The following SETD5 variants were observed in gnomAD, a reference collection of about 807,000 sequenced individuals.
The protein encoded by SETD5 is SET domain containing 5.
A neutral mutation model predicts 153.3 loss-of-function variants in SETD5; 44 were observed. The observed-to-expected ratio is 0.29, with a 90% CI of 0.23 to 0.37. The LOEUF (loss-of-function observed/expected upper bound fraction) is 0.37. Ranked by LOEUF, SETD5 falls within the 10% of genes least tolerant of loss-of-function variation. SETD5 has a pLI of 1.00. For missense variants in SETD5, 1,544 were observed against 1,768.0 expected (o/e 0.87, Z 2.27); for synonymous variants, 716 against 645.2 (o/e 1.11, Z -1.66).
chr3:9,436,731 A>G (rs1241150811), intron 7 of SETD5: 2 of 806,150 alleles, frequency 2.5e-6, no homozygotes, highest in Non-Finnish European at 3.9e-6. Flanking sequence ...TTTTTTACCT[A>G]GAGAAAGGGG....
chr3:9,412,405 T>TTTTTTG (rs1559357240), intron 1 of SETD5, among the ~76,000 whole-genome samples: 6 of 142,482 alleles, frequency 4.2e-5, no homozygotes, highest in Admixed American at 2.2e-4. Flanking sequence ...TTTTTTTTTT[T>TTTTTTG]TTTTTTTTTT....
intron 17 of SETD5, among the ~76,000 whole-genome samples, chr3:9,462,501 G>A (rs1464488949): frequency 6.6e-6 from 1 of 151,502 alleles, no homozygotes; most frequent in East Asian, 1.9e-4. Context: ...GCAGGAGAAT[G>A]GTGTGAACCT....
At chr3:9,400,476 C>T (rs999433542) in intron 1 of SETD5, among the ~76,000 whole-genome samples, 3 of 152,138 alleles carry the variant, frequency 2.0e-5, no homozygotes, top group Admixed American at 1.3e-4. Flanking sequence ...TGTTATGTGT[C>T]TCCATCCTTT....
At chr3:9,428,538 T>C (rs1361503301) in intron 2 of SETD5, among the ~76,000 whole-genome samples, 3 of 152,230 alleles carry the variant, frequency 2.0e-5, no homozygotes, top group Non-Finnish European at 4.4e-5. Context: ...TGGGCAGTTT[T>C]AGAATGGGGA....
chr3:9,466,017 A>G (rs936672350), intron 18 of SETD5, among the ~76,000 whole-genome samples: 9 of 152,174 alleles, frequency 5.9e-5, no homozygotes, highest in Non-Finnish European at 1.3e-4. Context: ...GGCCGGGCGC[A>G]GTGGCTCACA....
chr3:9,456,342 C>A (rs900200062), intron 17 of SETD5, among the ~76,000 whole-genome samples: 11 of 151,894 alleles, frequency 7.2e-5, no homozygotes, highest in Non-Finnish European at 1.5e-5. Flanking sequence ...TGGGCCTGGT[C>A]ACGTACCTGT....
intron 18 of SETD5, among the ~76,000 whole-genome samples, chr3:9,465,724 G>A (rs184595388): frequency 2.6e-5 from 4 of 152,220 alleles, no homozygotes; most frequent in Admixed American, 6.5e-5. Flanking sequence ...CTCTTTCTGG[G>A]TGAGGGAAAA....
At chr3:9,473,926 A>T (rs1252434580) in intron 20 of SETD5, among the ~76,000 whole-genome samples, 1 of 152,236 alleles carries the variant, frequency 6.6e-6, no homozygotes, top group Non-Finnish European at 1.5e-5. Flanking sequence ...GCATATACAG[A>T]GCAAAAAGAC....
intron 17 of SETD5, chr3:9,454,111 A>C: frequency 4.3e-6 from 1 of 234,752 alleles, no homozygotes; most frequent in South Asian, 1.6e-4. Context: ...GGTTAGATAC[A>C]TTTAAAGTAG....
intron 1 of SETD5, among the ~76,000 whole-genome samples, chr3:9,422,501 A>G (rs2038559416): frequency 6.6e-6 from 1 of 152,366 alleles, no homozygotes; most frequent in Admixed American, 6.5e-5. Flanking sequence ...AGGTTTTCTT[A>G]TGAGAATGAG....
intron 17 of SETD5, 58 bp from the exon 18 acceptor site, chr3:9,464,367 G>C (rs2290163): frequency 3.8e-6 from 6 of 1,567,758 alleles, no homozygotes; most frequent in Non-Finnish European, 5.2e-6. Context: ...TGGCTTTACT[G>C]TAGAGCCTTA....
intron 18 of SETD5, among the ~76,000 whole-genome samples, chr3:9,467,418 C>G (rs2044739578): frequency 6.6e-6 from 1 of 151,842 alleles, no homozygotes; most frequent in Admixed American, 6.6e-5. Context: ...CTTAGTTAGC[C>G]TCTCCTTTCT....
chr3:9,442,066 G>A, intron 9 of SETD5, 62 bp from the exon 10 acceptor site: 2 of 1,080,768 alleles, frequency 1.9e-6, no homozygotes, highest in Admixed American at 2.0e-5. Flanking sequence ...TTCATATTTG[G>A]AGTCATGGGG....
chr3:9,473,155 CT>C, intron 19 of SETD5, 80 bp from the exon 20 acceptor site: 4 of 1,474,814 alleles, frequency 2.7e-6, no homozygotes, highest in Non-Finnish European at 3.6e-6. Context: ...ACCATCTTTC[CT>C]TCTTTCCCTG....
intron 19 of SETD5, among the ~76,000 whole-genome samples, chr3:9,472,831 G>A (rs943571810): frequency 6.6e-6 from 1 of 151,966 alleles, no homozygotes; most frequent in Non-Finnish European, 1.5e-5. Context: ...CACCTGGGAG[G>A]CTTTTTAAAC....
intron 3 of SETD5, 104 bp from the exon 4 acceptor site, chr3:9,433,741 C>A: frequency 8.6e-7 from 1 of 1,162,714 alleles, no homozygotes; most frequent in Non-Finnish European, 1.3e-6. Context: ...ATCCTAGTGG[C>A]TAGTGGTTGT....
chr3:9,473,488 G>C lies in SETD5; in HGVS notation c.3448G>C (p.Gly1150Arg). ...LEAVSPSDSR[G>R]TSSSHCRPQE... Reference sequence around the variant, plus strand: ...GGCGGTAAGCCCATCAGATTCCAGAGGCACTTCTTCATCTCACTGCAGACC... The same window carrying C: ...GGCGGTAAGCCCATCAGATTCCAGACGCACTTCTTCATCTCACTGCAGACC... The change falls in exon 20 of 23, where the codon GGC (glycine) becomes CGC (arginine). Residue 1150 changes from glycine (G) to arginine (R), a missense_variant. This residue lies in a region of SETD5 where 93 missense variants were observed against 93.4 expected (regional missense o/e 1.00). Coordinates refer to ENST00000402198, the MANE Select transcript of SETD5 (RefSeq NM_001080517.3). The C allele has an allele frequency of 6.2e-7, 1 of 1,613,766 alleles. No individual in the cohort carries two copies. Among genetic ancestry groups the C allele is most frequent in the African/African-American group, 1.3e-5 (1 of 75,012 alleles).
rs749804376 is a variant in SETD5, at chr3:9,470,470, A to G, written c.2736A>G (p.Arg912=). The part of the protein sequence containing the change: ...NTPLQFELCH[R]KDLDLAKVGY... ...TTTTATTCTTTCAGCTTTGTCACCG[A>G]AAAGACCTGGATTTGGCAAAAGTAG... Residue 912 remains arginine (R), a synonymous_variant, in exon 19 of 23, where the codon CGA becomes CGG. Transcript: ENST00000402198. The G allele has an allele frequency of 2.5e-6, 4 of 1,608,462 alleles. No individual in the cohort carries two copies. The African/African-American group carries it at 5.4e-5, about 22-fold the overall frequency.
chr3:9,428,837 A>G lies in SETD5; in HGVS notation c.-102A>G, dbSNP rs1459143277. 2 of 657,022 alleles carry G rather than the reference A, an allele frequency of 3.0e-6. No individual in the cohort carries two copies. The highest frequency in any genetic ancestry group is 3.6e-5 in the African/African-American group (2 of 54,858). 40.7% of individuals were successfully genotyped at this position (657,022 alleles called of 1,614,324 possible). A position where few individuals can be genotyped will look rare whatever the true frequency, so the allele number is the denominator to read the frequency against. On this transcript the variant is annotated 5_prime_UTR_variant, in exon 3 of 23. Coordinates refer to ENST00000402198, the MANE Select transcript of SETD5 (RefSeq NM_001080517.3). ...TTCTGTTACAGGATTCCTCATGTCC[A>G]TAACATGTTGGATGAGGCTCTGCAG...
Sources: allele counts gnomAD v4.1 joint callset (sites outside exome capture counted in the v4.1 genomes callset), GRCh38; gene constraint gnomAD v4.1.1; regional missense constraint gnomAD v4.1.1; transcripts MANE v1.5; gene names NCBI Gene and HGNC (gene_info 2026-07-23, HGNC 2026-07-21).